The following USP32 variants were observed in gnomAD, a reference collection of about 807,000 sequenced individuals.
USP32 encodes the protein ubiquitin specific peptidase 32.
USP32 carries 59 observed loss-of-function variants against 204.8 expected under a neutral mutation model. The observed-to-expected ratio is 0.29, with a 90% CI of 0.23 to 0.36. The LOEUF (loss-of-function observed/expected upper bound fraction) is 0.36. Ranked by LOEUF, USP32 falls within the 10% of genes least tolerant of loss-of-function variation. The pLI is 1.00. For synonymous variants in USP32, 517 were observed against 678.4 expected, an observed-to-expected ratio of 0.76 and a Z score of 3.70; for missense variants, 1,160 against 1,946.4, an observed-to-expected ratio of 0.60 and a Z score of 7.60.
intron 10 of USP32, among the ~76,000 whole-genome samples, chr17:60,254,300 T>C (rs1408359256): frequency 6.6e-6 from 1 of 152,228 alleles, no homozygotes; most frequent in Non-Finnish European, 1.5e-5. Flanking sequence ...TTCTGGTAGC[T>C]TTCCTTCTTT....
intron 1 of USP32, among the ~76,000 whole-genome samples, chr17:60,386,267 A>G (rs972122073): frequency 6.6e-6 from 1 of 152,080 alleles, no homozygotes; most frequent in Non-Finnish European, 1.5e-5. Flanking sequence ...CTCTGAAAGG[A>G]GAAGCCATGC....
At chr17:60,222,658 A>G in intron 14 of USP32, 109 bp from the exon 15 acceptor site, 1 of 923,656 alleles carries the variant, frequency 1.1e-6, no homozygotes, top group East Asian at 2.8e-5. Context: ...ACCCAGTTTC[A>G]TGTTGCTGGA....
intron 25 of USP32, among the ~76,000 whole-genome samples, chr17:60,205,890 A>C (rs936378879): frequency 6.6e-6 from 1 of 152,228 alleles, no homozygotes; most frequent in Non-Finnish European, 1.5e-5. Flanking sequence ...GAAACTATTA[A>C]GCAGAATTTT....
chr17:60,234,774 A>C (rs531982845), intron 12 of USP32, among the ~76,000 whole-genome samples: 25 of 151,630 alleles, frequency 1.6e-4, no homozygotes, highest in African/African-American at 5.8e-4. Context: ...ATGGAGTCTC[A>C]CTATGTTGCC....
At chr17:60,222,976 C>G (rs1598092360) in intron 14 of USP32, among the ~76,000 whole-genome samples, 1 of 151,908 alleles carries the variant, frequency 6.6e-6, no homozygotes. Flanking sequence ...GCCACCACGT[C>G]CAGCAAAAAA....
chr17:60,293,404 A>T (rs2087337872), intron 4 of USP32, among the ~76,000 whole-genome samples: 1 of 152,242 alleles, frequency 6.6e-6, no homozygotes, highest in African/African-American at 2.4e-5. Context: ...TTTTCTTACA[A>T]GCAAATTTTA....
Position 60,334,718 on chromosome 17 carries a change from A to G in USP32, c.186+10763T>C, listed in dbSNP as rs1213066552. On this transcript the variant is annotated intron_variant, in intron 2 of 33. Transcript: ENST00000300896. ...AAAAAAAAGAAAAGAAAAGAAACAT[A>G]AACAGTTGATAACACATATTATATG... Among the ~76,000 whole-genome samples the G allele has an allele frequency of 2.1e-5, 3 of 143,276 alleles. 1 individual carries two copies. The highest frequency in any genetic ancestry group is 8.9e-5 in the African/African-American group (3 of 33,576). The allele number at this position is 143,276 out of a possible 152,430, so 94.0% of individuals were successfully genotyped here.
chr17:60,242,037 T>C (rs1439924362), intron 11 of USP32, among the ~76,000 whole-genome samples: 1 of 152,240 alleles, frequency 6.6e-6, no homozygotes, highest in East Asian at 1.9e-4. Context: ...TTGAGTATAC[T>C]TTTAAGCATA....
At chr17:60,410,165 T>C (rs1404628185) in intron 1 of USP32, among the ~76,000 whole-genome samples, 2 of 152,176 alleles carry the variant, frequency 1.3e-5, no homozygotes, top group Non-Finnish European at 1.5e-5. Context: ...ATGTTTGAGG[T>C]ATTTTCCAGA....
intron 2 of USP32, among the ~76,000 whole-genome samples, chr17:60,329,043 C>T (rs892081218): frequency 1.4e-4 from 21 of 152,232 alleles, no homozygotes; most frequent in Non-Finnish European, 8.8e-5. Context: ...CAGACAAAGG[C>T]GCCACCAGCC....
intron 1 of USP32, among the ~76,000 whole-genome samples, chr17:60,418,217 C>G (rs2143120811): frequency 6.6e-6 from 1 of 152,138 alleles, no homozygotes; most frequent in South Asian, 2.1e-4. Context: ...CTCAGCCTCC[C>G]AAAGTGCTGG....
intron 1 of USP32, among the ~76,000 whole-genome samples, chr17:60,364,165 G>T (rs2146063953): frequency 6.6e-6 from 1 of 152,188 alleles, no homozygotes; most frequent in South Asian, 2.1e-4. Flanking sequence ...GTCCTGACAT[G>T]GTGGGGCAAA....
Position 60,299,933 on chromosome 17 carries a change from T to C in USP32, c.292+1666A>G, listed in dbSNP as rs545371407. ...ATATAAAGGGTCTCTCTGGGGCCTC[T>C]TTTATTAGGGCACTTAATCTCACTC... On this transcript the variant is annotated intron_variant, in intron 3 of 33. Transcript: ENST00000300896. Among the ~76,000 whole-genome samples, 17 of 152,264 alleles carry C rather than the reference T, an allele frequency of 1.1e-4. No individual in the cohort carries two copies. The Middle Eastern group carries it at 0.031, about 274-fold the overall frequency.
At chr17:60,240,493 G>GGA (rs60249054) in intron 11 of USP32, among the ~76,000 whole-genome samples, 3,310 of 146,402 alleles carry the variant, frequency 0.023, 118 homozygotes, top group African/African-American at 0.079. Flanking sequence ...GAGAAAAAAG[G>GGA]GAGAGAGAGA....
intron 9 of USP32, among the ~76,000 whole-genome samples, chr17:60,258,737 C>T (rs140202875): frequency 6.6e-6 from 1 of 152,210 alleles, no homozygotes; most frequent in East Asian, 1.9e-4. Flanking sequence ...ACAGGACATT[C>T]CAAAATGAAA....
intron 24 of USP32, chr17:60,207,789 T>C: frequency 3.3e-6 from 1 of 304,372 alleles, no homozygotes. Context: ...AAACCTATAC[T>C]ATAGTGACAC....
intron 3 of USP32, among the ~76,000 whole-genome samples, chr17:60,299,306 T>C (rs1206515737): frequency 1.3e-5 from 2 of 152,214 alleles, no homozygotes; most frequent in African/African-American, 4.8e-5. Context: ...TAGCAACTTA[T>C]TATAATGAAC....
chr17:60,389,316 T>G (rs1392337839), intron 1 of USP32, among the ~76,000 whole-genome samples: 1 of 151,306 alleles, frequency 6.6e-6, no homozygotes, highest in African/African-American at 2.4e-5. Context: ...CCGAGGCTGG[T>G]GGATCACCTG....
chr17:60,332,914 A>G (rs973972000), intron 2 of USP32, among the ~76,000 whole-genome samples: 2 of 152,194 alleles, frequency 1.3e-5, no homozygotes, highest in African/African-American at 2.4e-5. Context: ...AAAATTTTAC[A>G]AAGAAGTAAA....
Sources: allele counts gnomAD v4.1 joint callset (sites outside exome capture counted in the v4.1 genomes callset), GRCh38; gene constraint gnomAD v4.1.1; transcripts MANE v1.5; gene names NCBI Gene and HGNC (gene_info 2026-07-23, HGNC 2026-07-21).